RCC1L: variants seen among roughly 807,000 people sequenced by gnomAD.
RCC1L encodes the protein RCC1 like.
RCC1L carries 46 observed loss-of-function variants against 58.6 expected under a neutral mutation model. The ratio of observed to expected loss-of-function variants is 0.79; its 90% CI spans 0.62 to 1.00. The LOEUF (loss-of-function observed/expected upper bound fraction) is 1.00. RCC1L is among the 50% of genes least tolerant of loss of function. The pLI is 0.00. For missense variants in RCC1L, 636 were observed against 623.6 expected, an observed-to-expected ratio of 1.02 and a Z score of -0.21; for synonymous variants, 281 against 262.9, an observed-to-expected ratio of 1.07 and a Z score of -0.67.
downstream of RCC1L, among the ~76,000 whole-genome samples, chr7:75,040,857 G>C (rs1195182981): frequency 1.3e-5 from 2 of 152,190 alleles, no homozygotes; most frequent in African/African-American, 4.8e-5. Flanking sequence ...AGATATCTGA[G>C]TGGCTGGTTC....
Position 75,056,175 on chromosome 7 carries a change from G to A in RCC1L, c.1058-101C>T. ...CACCAAGGTTTATGACATCCACACG[G>A]TTTTTTTTTGTTTTTTTTTTGTTTT... On this transcript the variant is annotated intron_variant, in intron 8 of 10. Coordinates refer to ENST00000610322, the MANE Select transcript of RCC1L (RefSeq NM_030798.5). 3 of 1,250,774 alleles carry A rather than the reference G, an allele frequency of 2.4e-6. No homozygotes were observed. In the South Asian group the frequency reaches 3.9e-5, roughly 16 times the overall value. 77.5% of individuals were successfully genotyped at this position (1,250,774 alleles called of 1,614,324 possible). A position where few individuals can be genotyped will look rare whatever the true frequency, so the allele number is the denominator to read the frequency against.
At chr7:75,051,671 C>T (rs1184912120) in intron 10 of RCC1L, among the ~76,000 whole-genome samples, 6 of 152,154 alleles carry the variant, frequency 3.9e-5, no homozygotes, top group Non-Finnish European at 5.9e-5. Context: ...TGGGCCTCCC[C>T]AAGCGCTGGG....
chr7:75,045,121 G>A (rs934097511), intron 10 of RCC1L, among the ~76,000 whole-genome samples: 30 of 151,912 alleles, frequency 2.0e-4, no homozygotes, highest in African/African-American at 4.6e-4. Context: ...TGATTTTCCC[G>A]CCTTAGCCTC....
At chr7:75,029,505 G>A (rs1351979538) in intron 10 of RCC1L, among the ~76,000 whole-genome samples, 6 of 151,754 alleles carry the variant, frequency 4.0e-5, no homozygotes, top group South Asian at 2.1e-4. Flanking sequence ...CACCACGCTC[G>A]GCTAATTTTT....
chr7:75,047,999 G>T (rs1160929512), intron 10 of RCC1L, among the ~76,000 whole-genome samples: 1 of 148,256 alleles, frequency 6.7e-6, no homozygotes, highest in Non-Finnish European at 1.5e-5. Context: ...AGGAGCAGTG[G>T]CTCACACCTG....
At chr7:75,058,354 C>T (rs1806149546) in intron 7 of RCC1L, among the ~76,000 whole-genome samples, 1 of 151,272 alleles carries the variant, frequency 6.6e-6, no homozygotes, top group South Asian at 2.1e-4. Context: ...TCAGCCTCCC[C>T]AGTACCTGGG....
At chr7:75,051,181 AT>A (rs1805893360) in intron 10 of RCC1L, among the ~76,000 whole-genome samples, 2 of 142,532 alleles carry the variant, frequency 1.4e-5, no homozygotes, top group African/African-American at 2.6e-5. Flanking sequence ...TGGAAAAAAT[AT>A]ATATATATAT....
intron 10 of RCC1L, among the ~76,000 whole-genome samples, chr7:75,029,624 A>G (rs1161613158): frequency 1.3e-5 from 2 of 151,972 alleles, no homozygotes; most frequent in African/African-American, 4.8e-5. Context: ...GATTACAGGC[A>G]TGAGATACCC....
chr7:75,067,502 G>A (rs1056100640), intron 2 of RCC1L, among the ~76,000 whole-genome samples: 3 of 151,948 alleles, frequency 2.0e-5, no homozygotes, highest in South Asian at 2.1e-4. Flanking sequence ...GATGGTGGAC[G>A]CCTGTAGTCC....
At chr7:75,056,095 G>C in intron 8 of RCC1L, 21 bp from the exon 9 acceptor site, 1 of 1,613,830 alleles carries the variant, frequency 6.2e-7, no homozygotes. Context: ...GTAAAAACAA[G>C]GGTCAGTAAG....
chr7:75,062,662 C>T (rs1408611967), intron 5 of RCC1L, among the ~76,000 whole-genome samples: 4 of 152,334 alleles, frequency 2.6e-5, no homozygotes, highest in African/African-American at 7.2e-5. Context: ...TATTTCAATG[C>T]ACATATGCAT....
exon 11 of RCC1L, chr7:75,027,818 T>C: frequency 1.6e-6 from 1 of 621,888 alleles, no homozygotes; most frequent in Non-Finnish European, 2.9e-6. Context: ...TAGTCTTGGT[T>C]TGGTCTCCAC....
In RCC1L at chr7:75,058,327, G is replaced by A. The variant is rs587616852; in HGVS notation, c.969+261C>T. 1.1e-5 allele frequency: 5 copies of A among 445,058 alleles called. No homozygotes were observed. In the East Asian group the frequency reaches 1.4e-4, roughly 13 times the overall value. 27.6% of individuals were successfully genotyped at this position (445,058 alleles called of 1,614,324 possible). ...TCTCAGCTCACTGCAATCTGCAAGC[G>A]ATTCAATTCTCATGCCTCAGCCTCC... On this transcript the variant is annotated intron_variant, in intron 7 of 10. Coordinates refer to ENST00000610322, the MANE Select transcript of RCC1L (RefSeq NM_030798.5).
At chr7:75,043,251 A>C in intron 10 of RCC1L, 142 bp from the exon 11 acceptor site, 1 of 976,690 alleles carries the variant, frequency 1.0e-6, no homozygotes, top group East Asian at 2.6e-5. Context: ...AGCTTGTCTC[A>C]GTAGGAGACA....
intron 10 of RCC1L, among the ~76,000 whole-genome samples, chr7:75,029,056 G>T (rs1427726498): frequency 2.0e-5 from 3 of 152,200 alleles, no homozygotes; most frequent in Non-Finnish European, 4.4e-5. Flanking sequence ...GGAGGGGCTT[G>T]CCCCTCTGAG....
intron 5 of RCC1L, 119 bp from the exon 6 acceptor site, chr7:75,061,410 GCAGAC>G: frequency 1.2e-6 from 1 of 812,200 alleles, no homozygotes; most frequent in Non-Finnish European, 2.2e-6. Context: ...CATGGTCCAG[GCAGAC>G]TGCTCCATGC....
chr7:75,057,843 T>A, intron 7 of RCC1L: 1 of 583,902 alleles, frequency 1.7e-6, no homozygotes, highest in African/African-American at 1.9e-5. Flanking sequence ...ACGAGGCAGA[T>A]GTCAACCAAA....
chr7:75,062,353 T>G (rs1357099914), intron 5 of RCC1L, among the ~76,000 whole-genome samples: 1 of 151,994 alleles, frequency 6.6e-6, no homozygotes, highest in Non-Finnish European at 1.5e-5. Flanking sequence ...ATCTGTCTCT[T>G]TAAAATAATT....
chr7:75,073,572 C>A lies in RCC1L; in HGVS notation c.166G>T (p.Ala56Ser). 6.6e-7 allele frequency: 1 copy of A among 1,511,724 alleles called. No homozygotes were observed. The allele number at this position is 1,511,724 out of a possible 1,614,324, so 93.6% of individuals were successfully genotyped here. Reference sequence around the variant, plus strand: ...CACACGAAGACGCGATCGGCGCGGGCAGCGCGCTCGCCCACGTACTGGACC... The same window carrying A: ...CACACGAAGACGCGATCGGCGCGGGAAGCGCGCTCGCCCACGTACTGGACC... The part of the protein sequence containing the change: ...PVVQYVGERA[A>S]RADRVFVWGF... Residue 56 changes from alanine to serine, a missense_variant, in exon 1 of 11, where the codon GCC becomes TCC. Ala to Ser is a moderately conservative substitution (Grantham distance 99, BLOSUM62 1). Coordinates refer to ENST00000610322, the MANE Select transcript of RCC1L (RefSeq NM_030798.5).
Sources: allele counts gnomAD v4.1 joint callset (sites outside exome capture counted in the v4.1 genomes callset), GRCh38; gene constraint gnomAD v4.1.1; transcripts MANE v1.5; gene names NCBI Gene and HGNC (gene_info 2026-07-23, HGNC 2026-07-21).